TAB2: variants seen among roughly 807,000 people sequenced by gnomAD.
The protein encoded by TAB2 is TGF-beta activated kinase 1 (MAP3K7) binding protein 2.
A neutral mutation model predicts 65.0 loss-of-function variants in TAB2; 3 were observed. The observed-to-expected ratio is 0.05, with a 90% CI of 0.02 to 0.12. TAB2 has a LOEUF of 0.12. Ranked by LOEUF, TAB2 falls within the 10% of genes least tolerant of loss-of-function variation. The pLI is 1.00. For missense variants in TAB2, 623 were observed against 840.3 expected (o/e 0.74, Z 3.20); for synonymous variants, 298 against 285.1 (o/e 1.05, Z -0.46).
chr6:149,379,043 G>A lies in TAB2; in HGVS notation c.1128G>A (p.Thr376=), dbSNP rs34220315. 3,561 of 1,614,124 alleles carry A rather than the reference G, an allele frequency of 2.2e-3. 18 individuals carry two copies. The highest frequency in any genetic ancestry group is 0.013 in the African/African-American group (944 of 75,002). Residue 376 remains threonine, a synonymous_variant, in exon 3 of 7, where the codon ACG becomes ACA. Coordinates refer to ENST00000637181, the MANE Select transcript of TAB2 (RefSeq NM_001292034.3). ...ACATAGCTGCCAGCCCCCCAAATAC[G>A]GATGAGCTGATGTCCCGTAGTCAAC... ...TVYIAASPPN[T]DELMSRSQPK...
chr6:149,232,426 C>T (rs545351581), intron 1 of TAB2, among the ~76,000 whole-genome samples: 77 of 152,124 alleles, frequency 5.1e-4, no homozygotes, highest in Non-Finnish European at 1.0e-3. Context: ...CGGGGTTTCA[C>T]CATTTTGCCA....
chr6:149,253,965 AGAAAGAAAG>A (rs1251551709), intron 1 of TAB2, among the ~76,000 whole-genome samples: 5 of 72,708 alleles, frequency 6.9e-5, no homozygotes, highest in Non-Finnish European at 3.0e-5. Flanking sequence ...AGAAAAAGAA[AGAAAGAAAG>A]AAAGAAAGAA....
chr6:149,388,820 T>A (rs1227727973), intron 3 of TAB2, among the ~76,000 whole-genome samples: 2 of 152,192 alleles, frequency 1.3e-5, no homozygotes, highest in Non-Finnish European at 2.9e-5. Context: ...GTCAATAAAA[T>A]TTTTCTGCCT....
intron 1 of TAB2, among the ~76,000 whole-genome samples, chr6:149,293,360 A>G (rs535375988): frequency 6.6e-5 from 10 of 152,344 alleles, no homozygotes; most frequent in African/African-American, 2.4e-4. Flanking sequence ...CCTTGAGAGA[A>G]GGCTGGAAAG....
chr6:149,402,912 A>G (rs779202053), intron 6 of TAB2, among the ~76,000 whole-genome samples: 7 of 152,144 alleles, frequency 4.6e-5, no homozygotes. Context: ...GCTAAAAAGC[A>G]TTTGAAAAAG....
intron 6 of TAB2, among the ~76,000 whole-genome samples, chr6:149,403,298 A>ATG: frequency 1.6e-5 from 1 of 62,718 alleles, no homozygotes; most frequent in Non-Finnish European, 3.0e-5. Flanking sequence ...ACACACACAT[A>ATG]TATATATATA....
At chr6:149,387,509 ATTATT>A (rs1781843912) in intron 3 of TAB2, among the ~76,000 whole-genome samples, 1 of 152,024 alleles carries the variant, frequency 6.6e-6, no homozygotes, top group Non-Finnish European at 1.5e-5. Context: ...AATTACTGTA[ATTATT>A]TTATTATTAA....
chr6:149,226,130 T>TCAGTGAGAATGAATGAGAGGATCC (rs1382892890), intron 1 of TAB2, among the ~76,000 whole-genome samples: 3 of 151,920 alleles, frequency 2.0e-5, no homozygotes, highest in Non-Finnish European at 2.9e-5. Context: ...TGGGCTTAGA[T>TCAGTGAGAATGAATGAGAGGATCC]CAGTGAGAAT....
chr6:149,403,281 T>TATATAC (rs1554265369), intron 6 of TAB2, among the ~76,000 whole-genome samples: 2 of 31,894 alleles, frequency 6.3e-5, no homozygotes, highest in African/African-American at 1.8e-4. Flanking sequence ...TATATATATA[T>TATATAC]ATACACACAC....
rs190744697 is a variant in TAB2 at position 149,302,373 on chromosome 6, G to T, written c.-120-75645G>T. 5.9e-5 allele frequency among the ~76,000 whole-genome samples: 9 copies of T among 152,154 alleles called. No homozygotes were observed. In the East Asian group the frequency reaches 1.7e-3, roughly 29 times the overall value. ...TAAAATATCTATGTATATTTTTGAA[G>T]CATAAATATTTATTGAAACCCTATA... On this transcript the variant is annotated intron_variant, in intron 1 of 1. Transcript: ENST00000606202.
chr6:149,272,189 G>T (rs2114676728), intron 1 of TAB2, among the ~76,000 whole-genome samples: 1 of 152,332 alleles, frequency 6.6e-6, no homozygotes, highest in South Asian at 2.1e-4. Flanking sequence ...AATTAGAGGA[G>T]TGTTTCTCAT....
intron 1 of TAB2, among the ~76,000 whole-genome samples, chr6:149,353,758 G>T (rs1049063051): frequency 6.6e-6 from 1 of 152,134 alleles, no homozygotes; most frequent in Non-Finnish European, 1.5e-5. Context: ...TGGCTAAATA[G>T]TAATATATTG....
upstream of TAB2, among the ~76,000 whole-genome samples, chr6:149,315,840 T>C (rs1321731418): frequency 1.3e-5 from 2 of 151,906 alleles, no homozygotes; most frequent in Non-Finnish European, 2.9e-5. Flanking sequence ...TGTACCTTCT[T>C]TGCCCCCCAC....
chr6:149,306,165 G>C (rs939503390), intron 1 of TAB2, among the ~76,000 whole-genome samples: 6 of 152,150 alleles, frequency 3.9e-5, no homozygotes, highest in African/African-American at 1.4e-4. Flanking sequence ...CAGCACTTTG[G>C]GAGGCCAAGG....
At chr6:149,259,468 CT>C (rs1778108817) in intron 1 of TAB2, among the ~76,000 whole-genome samples, 1 of 152,096 alleles carries the variant, frequency 6.6e-6, no homozygotes, top group Non-Finnish European at 1.5e-5. Flanking sequence ...ATATCTGTCA[CT>C]TTGTCCCAAC....
chr6:149,394,880 G>A (rs1396184553), intron 3 of TAB2, among the ~76,000 whole-genome samples: 1 of 152,190 alleles, frequency 6.6e-6, no homozygotes, highest in East Asian at 1.9e-4. Context: ...GATTTTGTAG[G>A]CCACATAATC....
intron 1 of TAB2, among the ~76,000 whole-genome samples, chr6:149,274,400 AC>A (rs1160528315): frequency 1.3e-5 from 2 of 152,206 alleles, no homozygotes; most frequent in African/African-American, 4.8e-5. Flanking sequence ...AGCTTTCCAT[AC>A]CCATATATTT....
intron 1 of TAB2, among the ~76,000 whole-genome samples, chr6:149,269,589 A>G (rs1778323149): frequency 6.6e-6 from 1 of 152,118 alleles, no homozygotes; most frequent in Non-Finnish European, 1.5e-5. Context: ...ACCCCTTTGC[A>G]ATCCACTCCT....
At chr6:149,340,462 A>G (rs1303567214) in intron 1 of TAB2, among the ~76,000 whole-genome samples, 2 of 152,198 alleles carry the variant, frequency 1.3e-5, no homozygotes, top group African/African-American at 4.8e-5. Flanking sequence ...TTCGATGAGT[A>G]AATATTACTT....
Sources: gnomAD v4.1 joint callset for allele counts (sites outside exome capture counted in the v4.1 genomes callset) on GRCh38, gnomAD v4.1.1 for gene constraint, MANE v1.5 for transcripts, NCBI Gene and HGNC (gene_info 2026-07-23, HGNC 2026-07-21) for gene names.